The following SFT2D1 variants were observed in gnomAD, a reference collection of about 807,000 sequenced individuals.
SFT2D1 encodes SFT2 domain containing 1.
Under a neutral mutation model 28.1 loss-of-function variants are expected in SFT2D1, and 24 were observed. The ratio of observed to expected loss-of-function variants is 0.85; its 90% CI spans 0.62 to 1.20. SFT2D1 has a LOEUF of 1.20. Ranked by LOEUF, SFT2D1 falls within the 50% of genes most tolerant of loss-of-function variation. The pLI is 0.00. For missense variants in SFT2D1, 181 were observed against 190.9 expected (o/e 0.95, Z 0.31); for synonymous variants, 82 against 73.7 (o/e 1.11, Z -0.58).
chr6:166,328,350 A>G lies in SFT2D1; in HGVS notation c.241T>C (p.Phe81Leu). 1 of 1,574,168 alleles carries G rather than the reference A, an allele frequency of 6.4e-7. No homozygotes were observed. Among genetic ancestry groups the G allele is most frequent in the Non-Finnish European group, 8.6e-7 (1 of 1,159,374 alleles). ...AGTTGCTTCACAGGTCCCATTAAAAAGCATGTACTATTTGAAACAAATAAA... is the reference window on the plus strand; with the variant it reads ...AGTTGCTTCACAGGTCCCATTAAAAGGCATGTACTATTTGAAACAAATAAA... The part of the protein sequence containing the change: ...GNLAALASTC[F>L]LMGPVKQLKK... Residue 81 changes from phenylalanine to leucine, a missense_variant, in exon 4 of 8, where the codon TTT (phenylalanine) becomes CTT (leucine). Transcript: ENST00000361731.
intron 6 of SFT2D1, chr6:166,323,679 C>G (rs1409781897): frequency 6.6e-6 from 1 of 152,226 alleles, no homozygotes; most frequent in Non-Finnish European, 1.5e-5. Context: ...ACTGAATCTT[C>G]ACAAAAGTGG....
intron 7 of SFT2D1, among the ~76,000 whole-genome samples, chr6:166,322,126 G>C (rs912599088): frequency 6.6e-6 from 1 of 152,074 alleles, no homozygotes; most frequent in Admixed American, 6.5e-5. Flanking sequence ...CAAGTGATCT[G>C]CCCACCTTGG....
At chr6:166,334,059 A>T (rs1007470679) in intron 1 of SFT2D1, among the ~76,000 whole-genome samples, 1 of 152,206 alleles carries the variant, frequency 6.6e-6, no homozygotes, top group African/African-American at 2.4e-5. Flanking sequence ...CCTCTAGTGA[A>T]CATGTTCTCA....
At position 166,320,125 on chromosome 6, in the gene SFT2D1, A is replaced by G; in HGVS notation, c.*92T>C. ...CAAAACGGTCTTCAACTGTCACGTCAGTTGTTCCTGGAGTGTTTTATGGGG... is the reference window on the plus strand; with the variant it reads ...CAAAACGGTCTTCAACTGTCACGTCGGTTGTTCCTGGAGTGTTTTATGGGG... On this transcript the variant is annotated 3_prime_UTR_variant, in exon 8 of 8. Coordinates refer to ENST00000361731, the MANE Select transcript of SFT2D1 (RefSeq NM_145169.3). 1.7e-6 allele frequency: 2 copies of G among 1,183,592 alleles called. No homozygotes were observed. The highest frequency in any genetic ancestry group is 1.9e-4 in the Middle Eastern group (1 of 5,228). 73.3% of individuals were successfully genotyped at this position (1,183,592 alleles called of 1,614,324 possible).
intron 1 of SFT2D1, among the ~76,000 whole-genome samples, chr6:166,341,062 C>A (rs948829678): frequency 6.6e-6 from 1 of 152,160 alleles, no homozygotes; most frequent in African/African-American, 2.4e-5. Context: ...AATACAGTAG[C>A]CTTTAACCAC....
intron 1 of SFT2D1, among the ~76,000 whole-genome samples, chr6:166,337,353 C>A (rs1485996026): frequency 6.6e-6 from 1 of 152,206 alleles, no homozygotes; most frequent in Non-Finnish European, 1.5e-5. Context: ...ACTTCCGTGT[C>A]CTTAATTCCA....
intron 5 of SFT2D1, among the ~76,000 whole-genome samples, chr6:166,325,021 T>C (rs1436189959): frequency 2.6e-5 from 4 of 152,202 alleles, no homozygotes; most frequent in Non-Finnish European, 5.9e-5. Context: ...GAAGGAAAAT[T>C]GTATTTTATT....
intron 1 of SFT2D1, among the ~76,000 whole-genome samples, chr6:166,341,861 C>T (rs1231591907): frequency 1.3e-5 from 2 of 151,938 alleles, no homozygotes; most frequent in Non-Finnish European, 2.9e-5. Flanking sequence ...CCAGGGCTCA[C>T]TGCCTTAACA....
At chr6:166,341,577 C>A (rs1055163701) in intron 1 of SFT2D1, among the ~76,000 whole-genome samples, 18 of 152,060 alleles carry the variant, frequency 1.2e-4, no homozygotes, top group African/African-American at 3.6e-4. Flanking sequence ...GAACTCTACC[C>A]ACACCAAGTG....
chr6:166,334,689 T>C (rs1583040995), intron 1 of SFT2D1: 1 of 244,622 alleles, frequency 4.1e-6, no homozygotes, highest in East Asian at 1.0e-4. Context: ...GAGAAGCCAA[T>C]CTGAGCGATG....
chr6:166,335,038 C>G (rs1778619396), intron 1 of SFT2D1: 1 of 518,450 alleles, frequency 1.9e-6, no homozygotes, highest in East Asian at 4.6e-5. Flanking sequence ...CTCTGACAAC[C>G]ACGACGCTGT....
chr6:166,333,945 G>A lies in SFT2D1; in HGVS notation c.64-3698C>T, dbSNP rs115787417. Among the ~76,000 whole-genome samples the A allele has an allele frequency of 7.2e-3, 1,103 of 152,202 alleles. 19 individuals carry two copies. The highest frequency in any genetic ancestry group is 0.025 in the African/African-American group (1,048 of 41,500). ...AAACACACCAACTAAGAACACCCAT[G>A]CTCTTGTCCTTTCCTGGTTCCCACA... On this transcript the variant is annotated intron_variant, in intron 1 of 7. Transcript: ENST00000361731.
At chr6:166,337,609 G>A (rs1778680994) in intron 1 of SFT2D1, among the ~76,000 whole-genome samples, 1 of 152,052 alleles carries the variant, frequency 6.6e-6, no homozygotes, top group Non-Finnish European at 1.5e-5. Context: ...CACCTACCAT[G>A]GGAACAGTGA....
In SFT2D1 at chr6:166,324,614, G is replaced by C. The variant is rs747358612; in HGVS notation, c.352-19C>G. The C allele has an allele frequency of 6.2e-6, 10 of 1,601,616 alleles. No individual in the cohort carries two copies. Among genetic ancestry groups the C allele is most frequent in the Middle Eastern group, 1.7e-4 (1 of 6,040 alleles). ...TATGCCACTAACAACAGCAAAAACA[G>C]AGCAATTATGAGTTTCAAAGTTTTA... On this transcript the variant is annotated intron_variant, in intron 5 of 7. Coordinates refer to ENST00000361731, the MANE Select transcript of SFT2D1 (RefSeq NM_145169.3).
chr6:166,337,567 T>C (rs534553303), intron 1 of SFT2D1, among the ~76,000 whole-genome samples: 1 of 152,140 alleles, frequency 6.6e-6, no homozygotes, highest in African/African-American at 2.4e-5. Flanking sequence ...CCTCCTTGTG[T>C]TTCTCTACAC....
intron 1 of SFT2D1, among the ~76,000 whole-genome samples, chr6:166,341,829 A>AG (rs1778787595): frequency 2.7e-5 from 2 of 73,204 alleles, no homozygotes; most frequent in Admixed American, 1.5e-4. Context: ...GCTTTTATTA[A>AG]GAAAAAAAAA....
At chr6:166,320,965 C>T (rs1375853838) in intron 7 of SFT2D1, among the ~76,000 whole-genome samples, 4 of 152,120 alleles carry the variant, frequency 2.6e-5, no homozygotes, top group Admixed American at 6.5e-5. Context: ...ATTAGCTGGG[C>T]GTGGCAGCGG....
intron 5 of SFT2D1, among the ~76,000 whole-genome samples, chr6:166,325,592 C>T (rs1170456881): frequency 6.6e-6 from 1 of 152,234 alleles, no homozygotes; most frequent in Admixed American, 6.5e-5. Flanking sequence ...TGCTACTCGG[C>T]AGCACACTTG....
chr6:166,334,949 G>T (rs1362118743), intron 1 of SFT2D1: 7 of 463,892 alleles, frequency 1.5e-5, no homozygotes, highest in Non-Finnish European at 2.9e-5. Flanking sequence ...AAGAGATCTT[G>T]AACAGTATGG....
Sources: gnomAD v4.1 joint callset for allele counts (sites outside exome capture counted in the v4.1 genomes callset) on GRCh38, gnomAD v4.1.1 for gene constraint, MANE v1.5 for transcripts, NCBI Gene and HGNC (gene_info 2026-07-23, HGNC 2026-07-21) for gene names.